Variants in ITSN1 observed in about 807,000 individuals in gnomAD.
ITSN1 encodes intersectin-1.
A neutral mutation model predicts 239.8 loss-of-function variants in ITSN1; 58 were observed. That is an observed-to-expected ratio of 0.24 (90% confidence interval 0.20 to 0.30). ITSN1 has a LOEUF of 0.30. Among genes scored for constraint, ITSN1 ranks in the 10% least tolerant of loss-of-function variants. The pLI is 1.00. For missense variants in ITSN1, 1,558 were observed against 2,103.3 expected (o/e 0.74, Z 5.07); for synonymous variants, 780 against 770.8 (o/e 1.01, Z -0.20).
intron 1 of ITSN1, among the ~76,000 whole-genome samples, chr21:33,674,141 C>T (rs1397813990): frequency 6.6e-6 from 1 of 152,186 alleles, no homozygotes; most frequent in African/African-American, 2.4e-5. Context: ...CTGTTGAAGG[C>T]TTGCCATGTC....
intron 29 of ITSN1, among the ~76,000 whole-genome samples, chr21:33,852,646 C>T (rs766903036): frequency 2.0e-5 from 3 of 152,006 alleles, no homozygotes; most frequent in Non-Finnish European, 4.4e-5. Context: ...ATCTAAGGGA[C>T]GGCACACAGA....
intron 5 of ITSN1, chr21:33,735,446 G>A (rs2066439238): frequency 2.0e-6 from 1 of 500,764 alleles, no homozygotes. Flanking sequence ...CAGGGGAAAA[G>A]GAAGAAACTT....
chr21:33,826,734 C>T lies in ITSN1; in HGVS notation c.3184-84C>T, dbSNP rs924870346. ...GAAAAGTGGGGCTTTGGGGCTCAAGCGGGTTTGTATCATCATTAATCGTTT... is the reference window on the plus strand; with the variant it reads ...GAAAAGTGGGGCTTTGGGGCTCAAGTGGGTTTGTATCATCATTAATCGTTT... On this transcript the variant is annotated intron_variant, in intron 25 of 39. Transcript: ENST00000381318. The T allele has an allele frequency of 8.9e-6, 11 of 1,229,738 alleles. No individual in the cohort carries two copies. In the East Asian group the frequency reaches 9.3e-5, roughly 10 times the overall value. 76.2% of individuals were successfully genotyped at this position (1,229,738 alleles called of 1,614,324 possible).
chr21:33,881,951 A>G (rs554850828), intron 34 of ITSN1, among the ~76,000 whole-genome samples: 2 of 151,418 alleles, frequency 1.3e-5, no homozygotes, highest in African/African-American at 4.8e-5. Context: ...GTCTCAAAAA[A>G]AAAAAAAAAA....
intron 1 of ITSN1, among the ~76,000 whole-genome samples, chr21:33,649,591 A>G (rs180710456): frequency 1.1e-4 from 17 of 152,222 alleles, no homozygotes; most frequent in Non-Finnish European, 2.5e-4. Context: ...AAAACCTGTC[A>G]TTGTTTTTGT....
intron 1 of ITSN1, among the ~76,000 whole-genome samples, chr21:33,652,609 A>G (rs2088639928): frequency 6.6e-6 from 1 of 152,174 alleles, no homozygotes; most frequent in South Asian, 2.1e-4. Context: ...TACCGCTCTC[A>G]GATGCATTCC....
Position 33,865,110 on chromosome 21 carries a change from A to C in ITSN1, c.3891-41A>C, listed in dbSNP as rs768003643. On this transcript the variant is annotated intron_variant, in intron 31 of 39. Transcript: ENST00000381318. The surrounding 1 kb of genome is among the most constrained non-coding windows in gnomAD (Gnocchi z 4.4). ...TAAGTGTGCTGTGGTGCTGTCAGATAGCGTGAAAGCAGGGGGCTCACCTCC... is the reference window on the plus strand; with the variant it reads ...TAAGTGTGCTGTGGTGCTGTCAGATCGCGTGAAAGCAGGGGGCTCACCTCC... 60 of 1,578,808 alleles carry C rather than the reference A, an allele frequency of 3.8e-5. No individual in the cohort carries two copies. In the East Asian group the frequency reaches 1.3e-3, roughly 34 times the overall value.
chr21:33,884,866 G>C (rs956846446), intron 36 of ITSN1, among the ~76,000 whole-genome samples, 175 bp from the exon 37 acceptor site: 1 of 152,130 alleles, frequency 6.6e-6, no homozygotes, highest in South Asian at 2.1e-4. Context: ...CTTTCTTATC[G>C]ATGGCAGGAA....
chr21:33,676,918 A>G (rs192001439), intron 1 of ITSN1, among the ~76,000 whole-genome samples: 1 of 151,700 alleles, frequency 6.6e-6, no homozygotes, highest in Admixed American at 6.6e-5. Context: ...AGAAAACCAA[A>G]CACTGCATGT....
intron 1 of ITSN1, among the ~76,000 whole-genome samples, chr21:33,702,309 G>A (rs1000229760): frequency 2.0e-5 from 3 of 151,878 alleles, no homozygotes; most frequent in Admixed American, 6.6e-5. Context: ...TAGAGATGGG[G>A]TTTTGCCATG....
At chr21:33,759,385 A>C (rs2068134747) in intron 8 of ITSN1, among the ~76,000 whole-genome samples, 1 of 152,242 alleles carries the variant, frequency 6.6e-6, no homozygotes, top group South Asian at 2.1e-4. Flanking sequence ...CTAGAATCCA[A>C]GTCCCCTGAT....
At chr21:33,845,633 G>T (rs1354249594) in intron 29 of ITSN1, among the ~76,000 whole-genome samples, 1 of 152,132 alleles carries the variant, frequency 6.6e-6, no homozygotes, top group Non-Finnish European at 1.5e-5. Context: ...TCACCTCCTC[G>T]AGGAAGCCTT....
intron 1 of ITSN1, among the ~76,000 whole-genome samples, chr21:33,700,530 C>G (rs2091962399): frequency 6.6e-6 from 1 of 152,120 alleles, no homozygotes; most frequent in Non-Finnish European, 1.5e-5. Flanking sequence ...AACACTGTGA[C>G]TTTATGGACA....
chr21:33,880,816 T>C (rs1984776982), intron 34 of ITSN1, among the ~76,000 whole-genome samples: 1 of 151,666 alleles, frequency 6.6e-6, no homozygotes, highest in Non-Finnish European at 1.5e-5. Flanking sequence ...TCGGACTGGG[T>C]CATCTTACTC....
chr21:33,825,201 CT>C (rs145084495), intron 25 of ITSN1, among the ~76,000 whole-genome samples: 16 of 149,086 alleles, frequency 1.1e-4, no homozygotes, highest in South Asian at 4.2e-4. Flanking sequence ...CACACAGTGA[CT>C]TTTTTTTTTA....
rs2089929243 is a variant in ITSN1, at chr21:33,666,369, C to T, written c.-33+23656C>T. ...TGGAACTAGATACTGGTGGTGGTTGCACAACTTCATGATTGTCTGAGATGT... is the reference window on the plus strand; with the variant it reads ...TGGAACTAGATACTGGTGGTGGTTGTACAACTTCATGATTGTCTGAGATGT... On this transcript the variant is annotated intron_variant, in intron 1 of 39. Coordinates refer to ENST00000381318, the MANE Select transcript of ITSN1 (RefSeq NM_003024.3). Among the ~76,000 whole-genome samples, 3 of 152,110 alleles carry T rather than the reference C, an allele frequency of 2.0e-5. No individual in the cohort carries two copies. The South Asian group carries it at 6.2e-4, about 32-fold the overall frequency.
At chr21:33,862,856 G>C (rs1262237782) in intron 31 of ITSN1, among the ~76,000 whole-genome samples, 1 of 152,226 alleles carries the variant, frequency 6.6e-6, no homozygotes, top group Non-Finnish European at 1.5e-5. Context: ...TGACACATAG[G>C]AAGCATTAAT....
chr21:33,815,571 A>G (rs2073211200), intron 22 of ITSN1, among the ~76,000 whole-genome samples: 1 of 152,176 alleles, frequency 6.6e-6, no homozygotes, highest in African/African-American at 2.4e-5. Context: ...AAGAAAGTGG[A>G]AAGATCTGCA....
chr21:33,672,553 T>C (rs1473535814), intron 1 of ITSN1, among the ~76,000 whole-genome samples: 31 of 152,148 alleles, frequency 2.0e-4, no homozygotes, highest in Admixed American at 2.0e-3. Flanking sequence ...ATGAAGCAGT[T>C]ATGGAAAACA....
Sources: allele counts gnomAD v4.1 joint callset (sites outside exome capture counted in the v4.1 genomes callset), GRCh38; gene constraint gnomAD v4.1.1; non-coding constraint Gnocchi (gnomAD v3.1); transcripts MANE v1.5; gene names NCBI Gene and HGNC (gene_info 2026-07-23, HGNC 2026-07-21).